ANKHD1: variants seen among roughly 807,000 people sequenced by gnomAD.
ANKHD1 encodes ankyrin repeat and KH domain containing 1, also known as ankyrin repeat and KH domain-containing protein 1.
ANKHD1 carries 31 observed loss-of-function variants against 230.5 expected under a neutral mutation model. The ratio of observed to expected loss-of-function variants is 0.13; its 90% CI spans 0.10 to 0.18. The LOEUF (loss-of-function observed/expected upper bound fraction) is 0.18, where lower values mean the gene tolerates loss of function less well. Among genes scored for constraint, ANKHD1 ranks in the 10% least tolerant of loss-of-function variants. The pLI, the probability that ANKHD1 is intolerant of heterozygous loss-of-function variation, is 1.00. For synonymous variants in ANKHD1, 1,074 were observed against 1,117.6 expected, an observed-to-expected ratio of 0.96 and a Z score of 0.78; for missense variants, 2,256 against 3,071.3, an observed-to-expected ratio of 0.73 and a Z score of 6.27.
rs1389224878 is a variant in ANKHD1, at chr5:140,427,139, C to A, written c.307-8965C>A. ...TTCCCGGACGGGGCGGCTGGCCGGG[C>A]AGGGGGCTGACCCCCCCCACCTCCC... On this transcript the variant is annotated intron_variant, in intron 1 of 33. Coordinates refer to ENST00000360839, the MANE Select transcript of ANKHD1 (RefSeq NM_017747.3). 2.0e-5 allele frequency among the ~76,000 whole-genome samples: 3 copies of A among 150,576 alleles called. No individual in the cohort carries two copies. The East Asian group carries it at 6.0e-4, about 30-fold the overall frequency.
chr5:140,444,176 G>A (rs1277932014), intron 5 of ANKHD1, among the ~76,000 whole-genome samples: 1 of 146,602 alleles, frequency 6.8e-6, no homozygotes, highest in Non-Finnish European at 1.5e-5. Flanking sequence ...GCTCTTTGAT[G>A]GGCTCCTCCG....
rs1318743532 is a variant in ANKHD1, at chr5:140,506,263, G to A, written c.3408+394G>A. On this transcript the variant is annotated intron_variant, in intron 18 of 33. Transcript: ENST00000360839. The surrounding 1 kb of genome is among the most constrained non-coding windows in gnomAD (Gnocchi z 4.7). ...TAACATGTTCCATATACTTTCTGAGGAATGGGTACTTCTGTTAACTTTTAT... is the reference window on the plus strand; with the variant it reads ...TAACATGTTCCATATACTTTCTGAGAAATGGGTACTTCTGTTAACTTTTAT... Among the ~76,000 whole-genome samples the A allele has an allele frequency of 6.6e-6, 1 of 151,908 alleles. No homozygotes were observed. Among genetic ancestry groups the A allele is most frequent in the African/African-American group, 2.4e-5 (1 of 41,234 alleles).
In ANKHD1 at chr5:140,440,071, C is replaced by A. The variant is rs757900591; in HGVS notation, c.618-48C>A. ...TATTTAATATAATTTATCATAGGAC[C>A]CCCGAGTCTTTTTGTTTCGGTTAAT... On this transcript the variant is annotated intron_variant, in intron 3 of 33. Transcript: ENST00000360839. 5.4e-6 allele frequency: 8 copies of A among 1,493,146 alleles called. No homozygotes were observed. In the Admixed American group the frequency reaches 1.6e-4, roughly 29 times the overall value. The allele number at this position is 1,493,146 out of a possible 1,614,324, so 92.5% of individuals were successfully genotyped here.
At chr5:140,474,598 CTT>C (rs771180811) in intron 10 of ANKHD1, among the ~76,000 whole-genome samples, 12 of 120,850 alleles carry the variant, frequency 9.9e-5, no homozygotes, top group Admixed American at 1.7e-4. Context: ...TTTTTTTCTT[CTT>C]TTTTTTTTTT....
intron 6 of ANKHD1, among the ~76,000 whole-genome samples, 195 bp downstream of exon 6, chr5:140,446,170 T>TATA (rs1204628681): frequency 6.6e-6 from 1 of 152,194 alleles, no homozygotes; most frequent in African/African-American, 2.4e-5. Flanking sequence ...ATATGTTTAT[T>TATA]ATTTTAATTC....
At chr5:140,452,968 GA>G (rs1774869990) in intron 7 of ANKHD1, among the ~76,000 whole-genome samples, 1 of 152,058 alleles carries the variant, frequency 6.6e-6, no homozygotes, top group Admixed American at 6.6e-5. Flanking sequence ...TAAAAACCTT[GA>G]AAAAAGATTA....
chr5:140,536,879 G>A (rs1754107646), intron 30 of ANKHD1, among the ~76,000 whole-genome samples: 1 of 152,056 alleles, frequency 6.6e-6, no homozygotes, highest in South Asian at 2.1e-4. Flanking sequence ...AAAATTACCA[G>A]GTGAGGTGGT....
At chr5:140,433,280 A>C (rs1773198444) in intron 1 of ANKHD1, among the ~76,000 whole-genome samples, 1 of 151,930 alleles carries the variant, frequency 6.6e-6, no homozygotes, top group African/African-American at 2.4e-5. Flanking sequence ...TGGCCAGGCT[A>C]GTCTTGAACA....
chr5:140,538,921 T>A lies in ANKHD1; in HGVS notation c.7407T>A (p.Gly2469=), dbSNP rs1304099033. 6.5e-7 allele frequency: 1 copy of A among 1,535,518 alleles called. No homozygotes were observed. The highest frequency in any genetic ancestry group is 1.4e-5 in the African/African-American group (1 of 71,694). The change falls in exon 33 of 34, where the codon GGT becomes GGA. Residue 2469 remains glycine, a splice_region_variant and synonymous_variant. Coordinates refer to ENST00000360839, the MANE Select transcript of ANKHD1 (RefSeq NM_017747.3). The stretch of plus-strand genomic sequence containing the variant: ...AATCTTTTTTCCTGCTGTTTTAGGG[T>A]CTGCCAATTTCCATGTATGGAGGCA... ...MASGFVDFSK[G]LPISMYGGTI...
At chr5:140,424,350 C>T (rs961822389) in intron 1 of ANKHD1, among the ~76,000 whole-genome samples, 2 of 152,090 alleles carry the variant, frequency 1.3e-5, no homozygotes, top group African/African-American at 2.4e-5. Flanking sequence ...GTGGCTTGAT[C>T]ATGGTTCACT....
chr5:140,493,880 C>A (rs931364895), intron 14 of ANKHD1, among the ~76,000 whole-genome samples: 1 of 152,124 alleles, frequency 6.6e-6, no homozygotes, highest in Non-Finnish European at 1.5e-5. Context: ...CAAAATTCTA[C>A]TCTTATTTTG....
At chr5:140,497,950 T>G (rs1025714230) in intron 15 of ANKHD1, 1 of 152,000 alleles carries the variant, frequency 6.6e-6, no homozygotes, top group African/African-American at 2.4e-5. Context: ...CCTTGAAGTA[T>G]ATGTTTCTGT....
At chr5:140,449,144 C>A in intron 6 of ANKHD1, 67 bp from the exon 7 acceptor site, 1 of 1,453,524 alleles carries the variant, frequency 6.9e-7, no homozygotes. Flanking sequence ...AAAAAGATTC[C>A]ATACCTCAAT....
At chr5:140,489,532 A>G (rs894492016) in intron 14 of ANKHD1, among the ~76,000 whole-genome samples, 3 of 152,154 alleles carry the variant, frequency 2.0e-5, no homozygotes, top group Non-Finnish European at 2.9e-5. Flanking sequence ...CAATCAAGAA[A>G]TAAGCTAGAT....
chr5:140,533,916 A>G (rs1433545864), intron 29 of ANKHD1, among the ~76,000 whole-genome samples: 1 of 152,144 alleles, frequency 6.6e-6, no homozygotes, highest in Non-Finnish European at 1.5e-5. Flanking sequence ...AGGTTTTGCT[A>G]ACATCTACTT....
At chr5:140,521,838 G>A (rs2127078535) in intron 24 of ANKHD1, among the ~76,000 whole-genome samples, 1 of 152,234 alleles carries the variant, frequency 6.6e-6, no homozygotes, top group East Asian at 1.9e-4. Flanking sequence ...AATTAGTCAG[G>A]CATGGTGGCA....
At chr5:140,533,215 A>G (rs1234572799) in intron 29 of ANKHD1, among the ~76,000 whole-genome samples, 2 of 152,184 alleles carry the variant, frequency 1.3e-5, no homozygotes, top group South Asian at 4.1e-4. Flanking sequence ...TGGAAGGCCA[A>G]GTCAGGAGGA....
At chr5:140,458,482 A>C in intron 7 of ANKHD1, 143 bp from the exon 8 acceptor site, 2 of 701,464 alleles carry the variant, frequency 2.9e-6, no homozygotes, top group Non-Finnish European at 4.4e-6. Flanking sequence ...TGAGCATGAT[A>C]ATATATATGC....
intron 5 of ANKHD1, among the ~76,000 whole-genome samples, chr5:140,443,804 A>G (rs983225468): frequency 2.0e-5 from 3 of 152,174 alleles, no homozygotes; most frequent in African/African-American, 7.2e-5. Flanking sequence ...GTTTTCTGTC[A>G]AATAACTCTA....
Sources: allele counts gnomAD v4.1 joint callset (sites outside exome capture counted in the v4.1 genomes callset), GRCh38; gene constraint gnomAD v4.1.1; non-coding constraint Gnocchi (gnomAD v3.1); transcripts MANE v1.5; gene names NCBI Gene and HGNC (gene_info 2026-07-23, HGNC 2026-07-21).